The following HHIP variants were observed in gnomAD, a reference collection of about 807,000 sequenced individuals.
HHIP encodes the protein hedgehog interacting protein, also known as hedgehog-interacting protein.
HHIP carries 12 observed loss-of-function variants against 74.0 expected under a neutral mutation model. The observed-to-expected ratio is 0.16, with a 90% confidence interval of 0.10 to 0.26. The LOEUF (loss-of-function observed/expected upper bound fraction) is 0.26, where lower values mean the gene tolerates loss of function less well. Among genes scored for constraint, HHIP ranks in the 10% least tolerant of loss-of-function variants. HHIP has a pLI of 1.00. For synonymous variants in HHIP, 309 were observed against 311.6 expected, an observed-to-expected ratio of 0.99 and a Z score of 0.09; for missense variants, 788 against 845.0, an observed-to-expected ratio of 0.93 and a Z score of 0.84.
rs573541538 is a variant in HHIP at position 144,689,796 on chromosome 4, A to ATTATT, written c.832-16712_832-16708dup. 4.6e-3 allele frequency among the ~76,000 whole-genome samples: 701 copies of ATTATT among 152,030 alleles called. 1 individual carries two copies. The highest frequency in any genetic ancestry group is 5.9e-3 in the Non-Finnish European group (402 of 67,960). ...TTACTCTAATATCTTTTCTAGGTAA[A>ATTATT]TTATTTTATTTTATTTTATTTTATT... On this transcript the variant is annotated intron_variant, in intron 4 of 12. Coordinates refer to ENST00000296575, the MANE Select transcript of HHIP (RefSeq NM_022475.3).
intron 10 of HHIP, chr4:144,715,715 T>A (rs1230495906): frequency 7.1e-5 from 14 of 197,622 alleles, no homozygotes; most frequent in Non-Finnish European, 3.1e-5. Context: ...AAGAGATAAT[T>A]TTTTAAATGT....
Position 144,698,875 on chromosome 4 carries a change from A to G in HHIP, c.832-7656A>G, listed in dbSNP as rs186939031. Among the ~76,000 whole-genome samples the G allele has an allele frequency of 1.5e-4, 23 of 152,316 alleles. No homozygotes were observed. The East Asian group carries it at 4.4e-3, about 29-fold the overall frequency. On this transcript the variant is annotated intron_variant, in intron 4 of 12. Transcript: ENST00000296575. The stretch of plus-strand genomic sequence containing the variant: ...CAAGAGTAAGAATTTTATGAACGAA[A>G]AGAAAACTACCAAATTATTAGAAGT...
At chr4:144,718,471 T>A (rs1221570044) in intron 10 of HHIP, among the ~76,000 whole-genome samples, 1 of 152,170 alleles carries the variant, frequency 6.6e-6, no homozygotes, top group Non-Finnish European at 1.5e-5. Context: ...TTGCTCTGGA[T>A]GAGATAAGAA....
At chr4:144,729,200 T>A (rs1374494155) in intron 11 of HHIP, among the ~76,000 whole-genome samples, 1 of 152,118 alleles carries the variant, frequency 6.6e-6, no homozygotes, top group Admixed American at 6.6e-5. Context: ...CATAAGAAAT[T>A]TTTCACTTCC....
rs1030911211 is a variant in HHIP at position 144,674,197 on chromosome 4, C to G, written c.831+14359C>G. Among the ~76,000 whole-genome samples, 8 of 152,150 alleles carry G rather than the reference C, an allele frequency of 5.3e-5. No individual in the cohort carries two copies. In the East Asian group the frequency reaches 1.5e-3, roughly 29 times the overall value. ...ATGTGTGCTGTGCAATTGAAAGTACCAACCTCGTTTCCATACACTGTATAG... is the reference window on the plus strand; with the variant it reads ...ATGTGTGCTGTGCAATTGAAAGTACGAACCTCGTTTCCATACACTGTATAG... On this transcript the variant is annotated intron_variant, in intron 4 of 12. Transcript: ENST00000296575.
intron 11 of HHIP, among the ~76,000 whole-genome samples, chr4:144,724,593 C>A (rs1377384912): frequency 6.7e-6 from 1 of 149,644 alleles, no homozygotes; most frequent in Non-Finnish European, 1.5e-5. Context: ...ACTAGCATAT[C>A]CATCGCCTTA....
intron 4 of HHIP, among the ~76,000 whole-genome samples, chr4:144,662,753 T>C (rs1304270357): frequency 6.6e-6 from 1 of 152,228 alleles, no homozygotes; most frequent in African/African-American, 2.4e-5. Context: ...GTTATCATTT[T>C]ATTCCAAAGG....
intron 4 of HHIP, among the ~76,000 whole-genome samples, chr4:144,674,872 T>A (rs1353508360): frequency 6.6e-6 from 1 of 152,204 alleles, no homozygotes; most frequent in African/African-American, 2.4e-5. Flanking sequence ...ACTTTTATGA[T>A]GTGCCCTAGG....
At chr4:144,671,254 C>A (rs1253704408) in intron 4 of HHIP, among the ~76,000 whole-genome samples, 1 of 151,906 alleles carries the variant, frequency 6.6e-6, no homozygotes, top group Non-Finnish European at 1.5e-5. Context: ...GTTGGCATAG[C>A]TCTTTAATTG....
At chr4:144,682,411 G>A (rs1385377283) in intron 4 of HHIP, among the ~76,000 whole-genome samples, 1 of 152,222 alleles carries the variant, frequency 6.6e-6, no homozygotes, top group Non-Finnish European at 1.5e-5. Context: ...TTCACTCTGG[G>A]TTGGATTTAT....
At chr4:144,673,528 C>T (rs1230235470) in intron 4 of HHIP, among the ~76,000 whole-genome samples, 3 of 151,964 alleles carry the variant, frequency 2.0e-5, no homozygotes, top group African/African-American at 7.3e-5. Context: ...CATATGTGTT[C>T]CTCCTAGGAA....
At chr4:144,661,816 T>G (rs1239794159) in intron 4 of HHIP, among the ~76,000 whole-genome samples, 1 of 152,216 alleles carries the variant, frequency 6.6e-6, no homozygotes, top group Non-Finnish European at 1.5e-5. Flanking sequence ...CAATAATCAT[T>G]TTGCATAAGT....
intron 11 of HHIP, among the ~76,000 whole-genome samples, chr4:144,724,585 T>C (rs1730737804): frequency 6.6e-6 from 1 of 150,984 alleles, no homozygotes; most frequent in African/African-American, 2.4e-5. Context: ...TCAAGTTAAC[T>C]AGCATATCCA....
At chr4:144,680,711 A>G (rs6537307) in intron 4 of HHIP, among the ~76,000 whole-genome samples, 59,878 of 152,048 alleles carry the variant, frequency 0.39, 13,512 homozygotes, top group South Asian at 0.52. Flanking sequence ...ATGAAACAGA[A>G]GAACTCTATT....
At chr4:144,667,859 T>A (rs753487186) in intron 4 of HHIP, among the ~76,000 whole-genome samples, 1 of 152,140 alleles carries the variant, frequency 6.6e-6, no homozygotes, top group African/African-American at 2.4e-5. Context: ...GACTGAAAAG[T>A]AAGAAGGCAC....
Position 144,724,726 on chromosome 4 carries a change from A to G in HHIP, c.1760+5770A>G, listed in dbSNP as rs1465809286. The stretch of plus-strand genomic sequence containing the variant: ...TATATATATGTATGTATGCATATAT[A>G]TATATATATCCCATTTCCTGGAAAT... On this transcript the variant is annotated intron_variant, in intron 11 of 12. Transcript: ENST00000296575. Among the ~76,000 whole-genome samples, 5 of 147,710 alleles carry G rather than the reference A, an allele frequency of 3.4e-5. No individual in the cohort carries two copies. The Admixed American group carries it at 3.4e-4, about 10-fold the overall frequency.
In HHIP at chr4:144,712,031, A is replaced by G. The variant is rs1370239251; in HGVS notation, c.1383A>G (p.Ser461=). 7 of 1,612,842 alleles carry G rather than the reference A, an allele frequency of 4.3e-6. No homozygotes were observed. The Admixed American group carries it at 1.2e-4, about 27-fold the overall frequency. Residue 461 remains serine, a synonymous_variant, in exon 8 of 13, where the codon TCA becomes TCG. Transcript: ENST00000296575. ...LCSDSNGKNR[S]SARILQIIKG... ...CAGACTCCAATGGAAAAAACAGATC[A>G]TCAGCCAGAATTCTACAGATAATAA...
In HHIP at chr4:144,678,543, C is replaced by G. The variant is rs547995669; in HGVS notation, c.831+18705C>G. 5.9e-5 allele frequency among the ~76,000 whole-genome samples: 9 copies of G among 152,130 alleles called. No homozygotes were observed. The East Asian group carries it at 1.7e-3, about 29-fold the overall frequency. ...TCTCCTAATGCTATCCCTCCCCTAG[C>G]CCCCCATCCCCCTGACAGGCCTCGG... On this transcript the variant is annotated intron_variant, in intron 4 of 12. Coordinates refer to ENST00000296575, the MANE Select transcript of HHIP (RefSeq NM_022475.3).
At chr4:144,705,794 G>C (rs1300007179) in intron 4 of HHIP, among the ~76,000 whole-genome samples, 1 of 152,132 alleles carries the variant, frequency 6.6e-6, no homozygotes, top group Non-Finnish European at 1.5e-5. Context: ...AAGTTGTTTG[G>C]GATTTTGCTT....
Sources: allele counts gnomAD v4.1 joint callset (sites outside exome capture counted in the v4.1 genomes callset), GRCh38; gene constraint gnomAD v4.1.1; transcripts MANE v1.5; gene names NCBI Gene and HGNC (gene_info 2026-07-23, HGNC 2026-07-21).